The following CSTPP1 variants were observed in gnomAD, a reference collection of about 807,000 sequenced individuals.
The protein encoded by CSTPP1 is UPF0705 protein C11orf49.
chr11:46,995,634 C>T, the CSTPP1 span, among the ~76,000 whole-genome samples: 9 of 152,278 alleles, frequency 5.9e-5, no homozygotes, highest in East Asian at 1.7e-3. Flanking sequence ...GCACTGTGGT[C>T]TGAGAGACAG....
At chr11:47,141,607 TA>T in the CSTPP1 span, among the ~76,000 whole-genome samples, 384 of 128,318 alleles carry the variant, frequency 3.0e-3, no homozygotes, top group Middle Eastern at 0.02. Context: ...ACTCTGTCTT[TA>T]AAAAAAAAAA....
At chr11:47,127,457 G>A in the CSTPP1 span, among the ~76,000 whole-genome samples, 2 of 152,166 alleles carry the variant, frequency 1.3e-5, no homozygotes, top group African/African-American at 4.8e-5. Flanking sequence ...CATCAATAAA[G>A]AACAAAGGCT....
At chr11:46,976,793 A>G in the CSTPP1 span, among the ~76,000 whole-genome samples, 1 of 152,128 alleles carries the variant, frequency 6.6e-6, no homozygotes, top group African/African-American at 2.4e-5. Context: ...GTGCATACTC[A>G]AGTCCTGCAG....
chr11:47,161,010 G>A, the CSTPP1 span: 1 of 1,339,490 alleles, frequency 7.5e-7, no homozygotes, highest in African/African-American at 1.4e-5. Context: ...CAGATCTTTA[G>A]ATCGGCCCTC....
At chr11:47,022,485 T>G in the CSTPP1 span, among the ~76,000 whole-genome samples, 2 of 145,198 alleles carry the variant, frequency 1.4e-5, no homozygotes. Flanking sequence ...TTCTCCTGCC[T>G]CAGCCTCCCA....
chr11:47,036,271 AT>A, the CSTPP1 span, among the ~76,000 whole-genome samples: 1 of 69,568 alleles, frequency 1.4e-5, no homozygotes, highest in Non-Finnish European at 3.1e-5. Context: ...TAATATATAT[AT>A]TATATATTAT....
chr11:46,969,560 C>T, the CSTPP1 span, among the ~76,000 whole-genome samples: 5 of 152,236 alleles, frequency 3.3e-5, no homozygotes, highest in Admixed American at 2.0e-4. Flanking sequence ...TACTAGAATG[C>T]TCGTAGTGGC....
At chr11:46,947,242 TTTGA>T in the CSTPP1 span, among the ~76,000 whole-genome samples, 1 of 152,244 alleles carries the variant, frequency 6.6e-6, no homozygotes, top group African/African-American at 2.4e-5. Flanking sequence ...AGTGATATGC[TTTGA>T]TTAAGACTGG....
chr11:46,964,973 G>A, the CSTPP1 span, among the ~76,000 whole-genome samples: 2 of 152,128 alleles, frequency 1.3e-5, no homozygotes, highest in Non-Finnish European at 2.9e-5. Context: ...CTAAGGAAAA[G>A]GAATTGGTTA....
the CSTPP1 span, among the ~76,000 whole-genome samples, chr11:46,985,220 G>A: frequency 0.14 from 21,748 of 152,012 alleles, 5,201 homozygotes; most frequent in African/African-American, 0.5. Context: ...TGCTGGGAAC[G>A]TGGTGAAACC....
chr11:46,994,064 T>G, the CSTPP1 span, among the ~76,000 whole-genome samples: 1 of 152,220 alleles, frequency 6.6e-6, no homozygotes, highest in Non-Finnish European at 1.5e-5. Flanking sequence ...TCACTCATGA[T>G]TTTGCTCTCA....
the CSTPP1 span, among the ~76,000 whole-genome samples, chr11:47,059,083 AAC>A: frequency 6.6e-6 from 1 of 152,208 alleles, no homozygotes; most frequent in Non-Finnish European, 1.5e-5. Flanking sequence ...TCAGCAAACT[AAC>A]ACAGGAACAG....
the CSTPP1 span, among the ~76,000 whole-genome samples, chr11:47,122,087 AAAAAATAT>A: frequency 1.4e-5 from 1 of 73,034 alleles, no homozygotes; most frequent in African/African-American, 4.6e-5. Context: ...AAAAAAAAAA[AAAAAATAT>A]ATATATATAT....
the CSTPP1 span, among the ~76,000 whole-genome samples, chr11:47,095,191 G>A: frequency 2.0e-5 from 3 of 152,110 alleles, no homozygotes; most frequent in Admixed American, 6.5e-5. Flanking sequence ...CATTTGTGAC[G>A]CTTAAAAATC....
the CSTPP1 span, among the ~76,000 whole-genome samples, chr11:47,004,672 C>T: frequency 2.4e-3 from 368 of 152,146 alleles, 1 homozygote; most frequent in African/African-American, 8.1e-3. Context: ...CTGTCTTTAC[C>T]CCCTTTCCTC....
chr11:47,133,304 C>T, the CSTPP1 span, among the ~76,000 whole-genome samples: 1 of 152,222 alleles, frequency 6.6e-6, no homozygotes, highest in Non-Finnish European at 1.5e-5. Flanking sequence ...AAAGGAGACA[C>T]ACAAATTTGT....
chr11:47,028,585 G>A, the CSTPP1 span, among the ~76,000 whole-genome samples: 1 of 152,192 alleles, frequency 6.6e-6, no homozygotes, highest in East Asian at 1.9e-4. Flanking sequence ...TAAGAAAGAA[G>A]CTGGTGTGTA....
chr11:47,015,009 A>G, the CSTPP1 span, among the ~76,000 whole-genome samples: 1 of 152,184 alleles, frequency 6.6e-6, no homozygotes, highest in Non-Finnish European at 1.5e-5. Context: ...ACAAATTACC[A>G]ATATCAGGAA....
chr11:46,963,400 G>A, the CSTPP1 span, among the ~76,000 whole-genome samples: 1 of 151,162 alleles, frequency 6.6e-6, no homozygotes, highest in East Asian at 1.9e-4. Context: ...TGATCAAGTA[G>A]TAGGGTTTAA....
Sources: gnomAD v4.1 joint callset for allele counts (sites outside exome capture counted in the v4.1 genomes callset) on GRCh38, gnomAD v4.1.1 for gene constraint, MANE v1.5 for transcripts, NCBI Gene and HGNC (gene_info 2026-07-23, HGNC 2026-07-21) for gene names.